The following SHTN1 variants were observed in gnomAD, a reference collection of about 807,000 sequenced individuals.
SHTN1 encodes shootin-1.
Under a neutral mutation model 83.1 loss-of-function variants are expected in SHTN1, and 42 were observed. The ratio of observed to expected loss-of-function variants is 0.51; its 90% CI spans 0.39 to 0.65. The LOEUF is 0.65. SHTN1 is among the 30% of genes least tolerant of loss of function. SHTN1 has a pLI of 0.00. For missense variants in SHTN1, 622 were observed against 737.8 expected (o/e 0.84, Z 1.82); for synonymous variants, 224 against 247.7 (o/e 0.90, Z 0.90).
At chr10:117,095,796 C>T (rs1404070139) in intron 1 of SHTN1, among the ~76,000 whole-genome samples, 2 of 151,906 alleles carry the variant, frequency 1.3e-5, no homozygotes, top group African/African-American at 4.8e-5. Flanking sequence ...TTCTTTTCCC[C>T]ATGGATTCCC....
chr10:116,960,075 G>A (rs1226696880), intron 4 of SHTN1, 61 bp downstream of exon 4: 1 of 1,004,712 alleles, frequency 1.0e-6, no homozygotes, highest in South Asian at 1.3e-5. Context: ...AGAAGCCACT[G>A]CTTAGAAAAG....
chr10:117,035,947 C>CAA (rs35033048), intron 2 of SHTN1, among the ~76,000 whole-genome samples: 46,136 of 72,130 alleles, frequency 0.64, 16,929 homozygotes, highest in Non-Finnish European at 0.77. Flanking sequence ...AACTCCATCT[C>CAA]AAAAAAAAAA....
intron 1 of SHTN1, chr10:117,048,513 G>A (rs1434606476): frequency 3.1e-6 from 3 of 982,770 alleles, no homozygotes; most frequent in Non-Finnish European, 3.6e-6. Context: ...GGGCAAACCT[G>A]AAAAGGATTA....
At chr10:117,005,504 T>A, upstream of SHTN1, 1 of 1,011,736 alleles carries the variant, frequency 9.9e-7, no homozygotes, top group Non-Finnish European at 1.2e-6. Flanking sequence ...GTTCGCAGCG[T>A]GTGTGGGAAC....
At chr10:116,915,109 T>C (rs1282258911) in intron 13 of SHTN1, among the ~76,000 whole-genome samples, 1 of 152,210 alleles carries the variant, frequency 6.6e-6, no homozygotes, top group African/African-American at 2.4e-5. Flanking sequence ...ATAATTGTTA[T>C]TTGTTTGGTG....
intron 2 of SHTN1, among the ~76,000 whole-genome samples, chr10:116,973,538 T>C (rs1239141556): frequency 1.3e-5 from 2 of 152,222 alleles, no homozygotes; most frequent in Non-Finnish European, 2.9e-5. Context: ...CCAGCCACTA[T>C]GTTAAACACT....
Position 116,968,720 on chromosome 10 carries a change from G to A in SHTN1, c.112-8C>T, listed in dbSNP as rs1269346378. 1.2e-6 allele frequency: 2 copies of A among 1,606,636 alleles called. No homozygotes were observed. Among genetic ancestry groups the A allele is most frequent in the Admixed American group, 1.7e-5 (1 of 59,646 alleles). The stretch of plus-strand genomic sequence containing the variant: ...TTGCCTAATTTTGTCACACTGAAAT[G>A]AGAGAAGTAAACAAATGTTAAACTT... On this transcript the variant is annotated splice_region_variant and splice_polypyrimidine_tract_variant and intron_variant, in intron 2 of 16. Coordinates refer to ENST00000355371, the MANE Select transcript of SHTN1 (RefSeq NM_001127211.3).
At chr10:116,978,752 C>T (rs1375091189) in intron 2 of SHTN1, among the ~76,000 whole-genome samples, 1 of 152,098 alleles carries the variant, frequency 6.6e-6, no homozygotes, top group Non-Finnish European at 1.5e-5. Flanking sequence ...ACCAGACTTC[C>T]CCACCTTCAC....
chr10:116,889,288 G>C (rs758922176), intron 16 of SHTN1, among the ~76,000 whole-genome samples: 2 of 152,176 alleles, frequency 1.3e-5, no homozygotes, highest in Non-Finnish European at 2.9e-5. Flanking sequence ...ACCTAGTATT[G>C]TCAGGCTGAA....
intron 1 of SHTN1, among the ~76,000 whole-genome samples, chr10:117,120,480 C>G (rs947523165): frequency 1.2e-4 from 18 of 152,094 alleles, no homozygotes; most frequent in Non-Finnish European, 2.2e-4. Context: ...AAACTCCTGA[C>G]CTTGTGATCC....
chr10:116,981,631 A>G lies in SHTN1; in HGVS notation c.59-2323T>C, dbSNP rs559327916. On this transcript the variant is annotated intron_variant, in intron 1 of 16. Coordinates refer to ENST00000355371, the MANE Select transcript of SHTN1 (RefSeq NM_001127211.3). ...AAACAGATATATAAGTATTTTATTAAAAGACTTTGATTTTAGGTTACTTGA... is the reference window on the plus strand; with the variant it reads ...AAACAGATATATAAGTATTTTATTAGAAGACTTTGATTTTAGGTTACTTGA... 9.2e-5 allele frequency among the ~76,000 whole-genome samples: 14 copies of G among 152,356 alleles called. No homozygotes were observed. In the South Asian group the frequency reaches 2.9e-3, roughly 32 times the overall value.
intron 1 of SHTN1, among the ~76,000 whole-genome samples, chr10:116,994,659 T>C (rs1174551082): frequency 6.6e-6 from 1 of 152,160 alleles, no homozygotes; most frequent in Non-Finnish European, 1.5e-5. Context: ...TATGCCTTCC[T>C]ATTTGCTTTT....
intron 2 of SHTN1, among the ~76,000 whole-genome samples, chr10:117,025,179 A>C (rs1221546234): frequency 1.3e-5 from 2 of 152,192 alleles, no homozygotes; most frequent in Non-Finnish European, 2.9e-5. Flanking sequence ...GGTAGGAAAA[A>C]CAGTCTCGAA....
chr10:116,999,707 G>A (rs2133535264), intron 1 of SHTN1, among the ~76,000 whole-genome samples: 1 of 152,312 alleles, frequency 6.6e-6, no homozygotes, highest in Admixed American at 6.5e-5. Flanking sequence ...AAGGTCAGGA[G>A]TTCGAGACCA....
At chr10:116,920,178 G>A (rs1370404867) in intron 12 of SHTN1, among the ~76,000 whole-genome samples, 1 of 152,050 alleles carries the variant, frequency 6.6e-6, no homozygotes, top group African/African-American at 2.4e-5. Flanking sequence ...AACAAAATAC[G>A]ATAAAGAGGA....
chr10:117,106,327 C>T (rs945350357), intron 1 of SHTN1, among the ~76,000 whole-genome samples: 3 of 151,810 alleles, frequency 2.0e-5, no homozygotes, highest in Admixed American at 1.3e-4. Flanking sequence ...TGATGGCGGG[C>T]ACCTGTAGTC....
chr10:117,052,024 A>ATATATAT (rs1417984142), intron 1 of SHTN1, among the ~76,000 whole-genome samples: 7 of 130,462 alleles, frequency 5.4e-5, no homozygotes, highest in Non-Finnish European at 8.4e-5. Context: ...ATATATATAG[A>ATATATAT]AAAGCCTAAG....
chr10:117,016,184 C>T (rs1852177662), intron 2 of SHTN1, among the ~76,000 whole-genome samples: 1 of 152,042 alleles, frequency 6.6e-6, no homozygotes, highest in African/African-American at 2.4e-5. Context: ...TACAGGTTCA[C>T]AAATGTAAAA....
intron 2 of SHTN1, among the ~76,000 whole-genome samples, chr10:117,045,658 G>A (rs947957418): frequency 2.6e-5 from 4 of 152,106 alleles, no homozygotes; most frequent in African/African-American, 9.7e-5. Context: ...TTAACCTCAT[G>A]CCAAAGGCCT....
Sources: gnomAD v4.1 joint callset for allele counts (sites outside exome capture counted in the v4.1 genomes callset) on GRCh38, gnomAD v4.1.1 for gene constraint, MANE v1.5 for transcripts, NCBI Gene and HGNC (gene_info 2026-07-23, HGNC 2026-07-21) for gene names.